PDE6B: variants seen among roughly 807,000 people sequenced by gnomAD.
The protein encoded by PDE6B is rod cGMP-specific 3',5'-cyclic phosphodiesterase subunit beta.
Under a neutral mutation model 109.0 loss-of-function variants are expected in PDE6B, and 106 were observed. The ratio of observed to expected loss-of-function variants is 0.97; its 90% CI spans 0.83 to 1.14. The LOEUF (loss-of-function observed/expected upper bound fraction) is 1.14. Ranked by LOEUF, PDE6B falls within the 50% of genes most tolerant of loss-of-function variation. The pLI is 0.00. For missense variants in PDE6B, 1,193 were observed against 1,155.6 expected, an observed-to-expected ratio of 1.03 and a Z score of -0.47; for synonymous variants, 490 against 471.3, an observed-to-expected ratio of 1.04 and a Z score of -0.51.
At chr4:655,792 C>T in intron 6 of PDE6B, 148 bp from the exon 7 acceptor site, 1 of 709,096 alleles carries the variant, frequency 1.4e-6, no homozygotes, top group East Asian at 2.7e-5. Context: ...CACGTGCAGC[C>T]CAGACCAGCC....
Position 663,263 on chromosome 4 carries a change from G to A in PDE6B, c.1920+76G>A. The A allele has an allele frequency of 1.2e-6, 1 of 865,314 alleles. No individual in the cohort carries two copies. The highest frequency in any genetic ancestry group is 2.0e-6 in the Non-Finnish European group (1 of 498,606). The allele number at this position is 865,314 out of a possible 1,614,324, so 53.6% of individuals were successfully genotyped here. A position where few individuals can be genotyped will look rare whatever the true frequency, so the allele number is the denominator to read the frequency against. On this transcript the variant is annotated intron_variant, in intron 15 of 21. Coordinates refer to ENST00000496514, the MANE Select transcript of PDE6B (RefSeq NM_000283.4). The surrounding 1 kb of genome is among the most constrained non-coding windows in gnomAD (Gnocchi z 4.0). ...CCGCAGGACGGCAGGGCCGTATCCT[G>A]CGGAGCAGGGTTCTGATGCAGCGGG... is the stretch of plus-strand genomic sequence containing the variant.
chr4:627,374 G>C (rs923363810), intron 1 of PDE6B, among the ~76,000 whole-genome samples: 2 of 152,154 alleles, frequency 1.3e-5, no homozygotes. Flanking sequence ...TCGAACTCCT[G>C]ACCTCAGGTG....
chr4:658,875 C>G, intron 10 of PDE6B, 77 bp from the exon 11 acceptor site: 1 of 1,048,574 alleles, frequency 9.5e-7, no homozygotes, highest in Non-Finnish European at 1.5e-6. Flanking sequence ...CTCTAGCTCA[C>G]ACGGGGTGGA....
rs1026738021 is a variant in PDE6B, at chr4:665,386, G to C, written c.2268+57G>C. 8.1e-7 allele frequency: 1 copy of C among 1,236,872 alleles called. No individual in the cohort carries two copies. Among genetic ancestry groups the C allele is most frequent in the African/African-American group, 1.5e-5 (1 of 67,762 alleles). The allele number at this position is 1,236,872 out of a possible 1,614,324, so 76.6% of individuals were successfully genotyped here. On this transcript the variant is annotated intron_variant, in intron 19 of 21. Transcript: ENST00000496514. This position sits in a 1 kb window ranked among gnomAD's most constrained non-coding sequence, Gnocchi z 4.0. ...GAAACGGGTGTTAGAGACCCCTCTTGGTCCTCAGGAGCCTCAGGTCCTGGC... is the reference window on the plus strand; with the variant it reads ...GAAACGGGTGTTAGAGACCCCTCTTCGTCCTCAGGAGCCTCAGGTCCTGGC...
chr4:659,604 C>T (rs551620711), intron 11 of PDE6B, among the ~76,000 whole-genome samples: 30 of 145,032 alleles, frequency 2.1e-4, no homozygotes, highest in Non-Finnish European at 3.3e-4. Flanking sequence ...TATGTGTGTG[C>T]GTGTGTGCAT....
intron 3 of PDE6B, among the ~76,000 whole-genome samples, chr4:637,745 C>T (rs544349077): frequency 5.3e-5 from 8 of 152,224 alleles, no homozygotes; most frequent in African/African-American, 1.9e-4. Context: ...TCGTCCCCTG[C>T]GTGTGCGCAG....
chr4:648,972 G>A lies in PDE6B; in HGVS notation c.712-4880G>A, dbSNP rs1735349396. 6.6e-6 allele frequency among the ~76,000 whole-genome samples: 1 copy of A among 152,246 alleles called. No homozygotes were observed. Among genetic ancestry groups the A allele is most frequent in the Non-Finnish European group, 1.5e-5 (1 of 68,050 alleles). On this transcript the variant is annotated intron_variant, in intron 3 of 21. Transcript: ENST00000496514. This position sits in a 1 kb window ranked among gnomAD's most constrained non-coding sequence, Gnocchi z 4.5. ...AGGAAGCAGAGCCATTCAGAAGTGAGAGGCGGCCAGGAGGGGCGGGCGTGG... is the reference window on the plus strand; with the variant it reads ...AGGAAGCAGAGCCATTCAGAAGTGAAAGGCGGCCAGGAGGGGCGGGCGTGG...
chr4:648,569 T>C lies in PDE6B; in HGVS notation c.712-5283T>C, dbSNP rs1395636648. On this transcript the variant is annotated intron_variant, in intron 3 of 21. Transcript: ENST00000496514. The surrounding 1 kb of genome is among the most constrained non-coding windows in gnomAD (Gnocchi z 4.5). Reference sequence around the variant, plus strand: ...CTCACCTGGACAATCAGGAACTACCTTCTGTCCCAGGCACCCTCCAGCTGG... The same window carrying C: ...CTCACCTGGACAATCAGGAACTACCCTCTGTCCCAGGCACCCTCCAGCTGG... Among the ~76,000 whole-genome samples, 1 of 152,166 alleles carries C rather than the reference T, an allele frequency of 6.6e-6. No individual in the cohort carries two copies. Among genetic ancestry groups the C allele is most frequent in the Non-Finnish European group, 1.5e-5 (1 of 68,032 alleles).
intron 1 of PDE6B, among the ~76,000 whole-genome samples, chr4:631,394 C>T (rs138093077): frequency 6.6e-6 from 1 of 152,210 alleles, no homozygotes; most frequent in African/African-American, 2.4e-5. Flanking sequence ...CTGAGGGTCA[C>T]TTTGTGTGGA....
intron 10 of PDE6B, 70 bp from the exon 11 acceptor site, chr4:658,882 T>C: frequency 9.0e-7 from 1 of 1,105,594 alleles, no homozygotes; most frequent in Non-Finnish European, 1.4e-6. Context: ...TCACACGGGG[T>C]GGACGCACCG....
At position 636,124 on chromosome 4, in the gene PDE6B, C is replaced by G. The variant is rs1009533595; in HGVS notation, c.711+155C>G. 6.6e-6 allele frequency among the ~76,000 whole-genome samples: 1 copy of G among 152,082 alleles called. No homozygotes were observed. Among genetic ancestry groups the G allele is most frequent in the Non-Finnish European group, 1.5e-5 (1 of 68,026 alleles). ...CTCAGGGGAGAGGAGGGCTCCATGGCTTCTGTGGCTGTGCTGAGCTGCAAT... is the reference window on the plus strand; with the variant it reads ...CTCAGGGGAGAGGAGGGCTCCATGGGTTCTGTGGCTGTGCTGAGCTGCAAT... On this transcript the variant is annotated intron_variant, in intron 3 of 21. Coordinates refer to ENST00000496514, the MANE Select transcript of PDE6B (RefSeq NM_000283.4). The surrounding 1 kb of genome is among the most constrained non-coding windows in gnomAD (Gnocchi z 4.5).
rs111941939 is a variant in PDE6B at position 666,805 on chromosome 4, C to G, written c.2352+191C>G. On this transcript the variant is annotated intron_variant, in intron 20 of 21. Coordinates refer to ENST00000496514, the MANE Select transcript of PDE6B (RefSeq NM_000283.4). This position sits in a 1 kb window ranked among gnomAD's most constrained non-coding sequence, Gnocchi z 5.6. ...AGGAACATCAGTTTCCGGACCCCCA[C>G]AGGTGCCCCAGCCCATCCTCACCCT... 1.1e-4 allele frequency among the ~76,000 whole-genome samples: 17 copies of G among 152,274 alleles called. No individual in the cohort carries two copies. The highest frequency in any genetic ancestry group is 4.1e-4 in the African/African-American group (17 of 41,550).
intron 3 of PDE6B, chr4:653,362 G>A (rs1735763458): frequency 9.2e-7 from 1 of 1,090,026 alleles, no homozygotes; most frequent in East Asian, 7.3e-5. Context: ...GCAACCAGGG[G>A]CCTGTGCAGC....
At chr4:660,312 C>G (rs1736911017) in intron 11 of PDE6B, among the ~76,000 whole-genome samples, 155 bp from the exon 12 acceptor site, 1 of 152,166 alleles carries the variant, frequency 6.6e-6, no homozygotes, top group Non-Finnish European at 1.5e-5. Context: ...GTGTGAGCAG[C>G]CTGGGATACA....
Position 625,587 on chromosome 4 carries a change from G to T in PDE6B, c.-40G>T. 3 of 1,406,112 alleles carry T rather than the reference G, an allele frequency of 2.1e-6. No individual in the cohort carries two copies. Among genetic ancestry groups the T allele is most frequent in the Non-Finnish European group, 3.0e-6 (3 of 990,370 alleles). 87.1% of individuals were successfully genotyped at this position (1,406,112 alleles called of 1,614,324 possible). A position where few individuals can be genotyped will look rare whatever the true frequency, so the allele number is the denominator to read the frequency against. On this transcript the variant is annotated 5_prime_UTR_variant, in exon 1 of 22. Coordinates refer to ENST00000496514, the MANE Select transcript of PDE6B (RefSeq NM_000283.4). The surrounding 1 kb of genome is among the most constrained non-coding windows in gnomAD (Gnocchi z 5.0). ...GACAGGGTTTCCTGGGAGTCCATGCGTGCCTGGAGCAGCAGCGTCTCCAGG... is the reference window on the plus strand; with the variant it reads ...GACAGGGTTTCCTGGGAGTCCATGCTTGCCTGGAGCAGCAGCGTCTCCAGG...
intron 11 of PDE6B, among the ~76,000 whole-genome samples, chr4:660,104 T>A (rs1428846973): frequency 2.0e-5 from 3 of 152,168 alleles, no homozygotes; most frequent in African/African-American, 7.2e-5. Context: ...GGTGCCTTTG[T>A]ATTCATGGGA....
intron 11 of PDE6B, among the ~76,000 whole-genome samples, chr4:659,944 G>A (rs114572700): frequency 1.9e-3 from 282 of 152,310 alleles, no homozygotes; most frequent in African/African-American, 6.4e-3. Flanking sequence ...GACTGAGCAT[G>A]GGAATGTGCC....
chr4:655,048 A>G (rs1388793860), intron 6 of PDE6B, 160 bp downstream of exon 6: 6 of 664,550 alleles, frequency 9.0e-6, no homozygotes, highest in African/African-American at 1.8e-5. Flanking sequence ...CGTGGGGCAT[A>G]GTGGAGTTGG....
chr4:629,372 G>C (rs142553621), intron 1 of PDE6B, among the ~76,000 whole-genome samples: 1 of 152,256 alleles, frequency 6.6e-6, no homozygotes, highest in Non-Finnish European at 1.5e-5. Context: ...TGGTGGGCTG[G>C]TGGGGCTCGG....
Sources: gnomAD v4.1 joint callset for allele counts (sites outside exome capture counted in the v4.1 genomes callset) on GRCh38, gnomAD v4.1.1 for gene constraint, Gnocchi (gnomAD v3.1) non-coding constraint, MANE v1.5 for transcripts, NCBI Gene and HGNC (gene_info 2026-07-23, HGNC 2026-07-21) for gene names.